RYR1: variants seen among roughly 807,000 people sequenced by gnomAD.
RYR1 encodes the protein ryanodine receptor 1, also known as central core disease of muscle.
In RYR1, 342 loss-of-function variants were observed where a neutral mutation model predicts 583.5. The observed-to-expected ratio is 0.59, with a 90% CI of 0.54 to 0.64. The LOEUF (loss-of-function observed/expected upper bound fraction) is 0.64, where lower values mean the gene tolerates loss of function less well. Ranked by LOEUF, RYR1 falls within the 30% of genes least tolerant of loss-of-function variation. The pLI, the probability that RYR1 is intolerant of heterozygous loss-of-function variation, is 0.00. For synonymous variants in RYR1, 2,791 were observed against 2,822.5 expected, an observed-to-expected ratio of 0.99 and a Z score of 0.35; for missense variants, 6,032 against 6,917.2, an observed-to-expected ratio of 0.87 and a Z score of 4.54.
chr19:38,479,602 G>A (rs1269605468), intron 31 of RYR1, among the ~76,000 whole-genome samples: 1 of 152,006 alleles, frequency 6.6e-6, no homozygotes, highest in Non-Finnish European at 1.5e-5. Context: ...TTGTAGAGAT[G>A]GGTTTTCCTC....
chr19:38,441,269 A>T (rs1205749044), intron 2 of RYR1, among the ~76,000 whole-genome samples: 1 of 11,664 alleles, frequency 8.6e-5, no homozygotes, highest in Non-Finnish European at 1.6e-4. Context: ...GGGCGTGGGG[A>T]GGGGGGGTAG....
chr19:38,544,636 T>G (rs1972347033), intron 87 of RYR1, among the ~76,000 whole-genome samples: 1 of 152,188 alleles, frequency 6.6e-6, no homozygotes, highest in African/African-American at 2.4e-5. Context: ...TCTAATTTGC[T>G]CAAAGGTGCC....
intron 1 of RYR1, among the ~76,000 whole-genome samples, chr19:38,435,739 G>A (rs1289386320): frequency 6.6e-6 from 1 of 151,888 alleles, no homozygotes; most frequent in African/African-American, 2.4e-5. Context: ...CTCCATCTCA[G>A]AACAAAAAAC....
intron 2 of RYR1, among the ~76,000 whole-genome samples, chr19:38,441,842 C>T (rs1355937376): frequency 6.6e-6 from 1 of 151,768 alleles, no homozygotes; most frequent in African/African-American, 2.4e-5. Context: ...GGTTGAGCGC[C>T]CTCCTGTGTC....
At chr19:38,539,450 G>A (rs1221514766) in intron 84 of RYR1, among the ~76,000 whole-genome samples, 1 of 151,674 alleles carries the variant, frequency 6.6e-6, no homozygotes, top group Admixed American at 6.6e-5. Flanking sequence ...TGTTGCCCAG[G>A]GGATCTCAAA....
At position 38,561,418 on chromosome 19, in the gene RYR1, C is replaced by T. The variant is rs61739895; in HGVS notation, c.12588C>T (p.Ile4196=). 1,264 of 1,612,014 alleles carry T rather than the reference C, an allele frequency of 7.8e-4. 12 individuals are homozygous for T. The African/African-American group carries it at 0.015, about 19-fold the overall frequency. The part of the protein sequence containing the change: ...SRRIERIYFE[I]SETNRAQWEM... ...GCATCGAGCGCATCTACTTCGAGAT[C>T]TCAGAGACCAACCGCGCCCAGTGGG... The change falls in exon 90 of 106, where the codon ATC becomes ATT. Residue 4196 remains isoleucine, a synonymous_variant. Coordinates refer to ENST00000359596, the MANE Select transcript of RYR1 (RefSeq NM_000540.3). The surrounding 1 kb of genome is among the most constrained non-coding windows in gnomAD (Gnocchi z 4.8).
chr19:38,437,251 A>G (rs1600619811), intron 1 of RYR1, among the ~76,000 whole-genome samples: 1 of 151,890 alleles, frequency 6.6e-6, no homozygotes, highest in African/African-American at 2.4e-5. Flanking sequence ...GGGTTTCACC[A>G]TGTTGGCCAG....
intron 49 of RYR1, among the ~76,000 whole-genome samples, chr19:38,503,984 T>C (rs1445649920): frequency 3.3e-5 from 5 of 152,222 alleles, no homozygotes; most frequent in Non-Finnish European, 7.3e-5. Flanking sequence ...CAACCAGCTC[T>C]AGTTTAATGC....
intron 39 of RYR1, among the ~76,000 whole-genome samples, chr19:38,494,983 G>T (rs1201155897): frequency 6.6e-6 from 1 of 151,540 alleles, no homozygotes; most frequent in Non-Finnish European, 1.5e-5. Context: ...CTCCCAAGTA[G>T]CTGGGATTAC....
intron 89 of RYR1, among the ~76,000 whole-genome samples, chr19:38,557,489 A>C (rs113320055): frequency 0.06 from 9,194 of 152,222 alleles, 404 homozygotes; most frequent in South Asian, 0.22. Context: ...GCAGGAGGGG[A>C]CAGCGAAGCT....
chr19:38,470,245 C>T (rs1196124568), intron 27 of RYR1, among the ~76,000 whole-genome samples: 3 of 151,554 alleles, frequency 2.0e-5, no homozygotes, highest in Non-Finnish European at 4.4e-5. Flanking sequence ...GAGCAAGACC[C>T]TATCTCAAAA....
intron 25 of RYR1, among the ~76,000 whole-genome samples, chr19:38,468,048 TCATCCATCCATC>T (rs753008033): frequency 4.4e-5 from 3 of 67,700 alleles, no homozygotes; most frequent in Non-Finnish European, 7.0e-5. Context: ...CATCCATCCA[TCATCCATCCATC>T]CATCCATCCA....
Position 38,444,225 on chromosome 19 carries a change from C to T in RYR1, c.501C>T (p.Asp167=), listed in dbSNP as rs1412858007. The change falls in exon 6 of 106, where the codon GAC becomes GAT. Residue 167 remains aspartate, a synonymous_variant. Coordinates refer to ENST00000359596, the MANE Select transcript of RYR1 (RefSeq NM_000540.3). The surrounding 1 kb of genome is among the most constrained non-coding windows in gnomAD (Gnocchi z 5.1). ...GAGAAAAGGTCCGCGTTGGGGATGA[C>T]ATCATCCTTGTCAGTGTCTCCTCCG... is the stretch of plus-strand genomic sequence containing the variant. The part of the protein sequence containing the change: ...SEGEKVRVGD[D]IILVSVSSER... The T allele has an allele frequency of 6.2e-7, 1 of 1,613,954 alleles. No individual in the cohort carries two copies. The highest frequency in any genetic ancestry group is 1.3e-5 in the African/African-American group (1 of 74,902).
intron 63 of RYR1, among the ~76,000 whole-genome samples, chr19:38,513,020 A>G (rs1489694539): frequency 6.6e-6 from 1 of 152,070 alleles, no homozygotes; most frequent in Non-Finnish European, 1.5e-5. Flanking sequence ...GTTAAAAAAG[A>G]GAGTCTATTG....
At chr19:38,575,385 G>A (rs1207039798) in intron 96 of RYR1, among the ~76,000 whole-genome samples, 3 of 152,198 alleles carry the variant, frequency 2.0e-5, no homozygotes, top group East Asian at 1.9e-4. Context: ...GGAGCCAGGC[G>A]CAGGTGGCTC....
In RYR1 at chr19:38,471,722, G is replaced by A. The variant is rs182313090; in HGVS notation, c.3766-1655G>A. The stretch of plus-strand genomic sequence containing the variant: ...TCGAGACCAGCCTGGCCAACATAGT[G>A]AAACCCCGTCTCTTCTAAAAATACA... On this transcript the variant is annotated intron_variant, in intron 27 of 105. Coordinates refer to ENST00000359596, the MANE Select transcript of RYR1 (RefSeq NM_000540.3). Among the ~76,000 whole-genome samples, 1,037 of 151,922 alleles carry A rather than the reference G, an allele frequency of 6.8e-3. 10 individuals carry two copies. Among genetic ancestry groups the A allele is most frequent in the Non-Finnish European group, 0.012 (799 of 67,956 alleles).
chr19:38,458,967 G>A (rs1967580854), intron 18 of RYR1, among the ~76,000 whole-genome samples, 179 bp from the exon 19 acceptor site: 1 of 152,178 alleles, frequency 6.6e-6, no homozygotes, highest in African/African-American at 2.4e-5. Context: ...CCTAACTTCA[G>A]GGGAACCCTG....
intron 67 of RYR1, among the ~76,000 whole-genome samples, chr19:38,521,770 G>T (rs1430893313): frequency 1.4e-5 from 2 of 140,828 alleles, no homozygotes; most frequent in Non-Finnish European, 3.0e-5. Context: ...GCAGTGGTGC[G>T]ATCTCTGCTC....
intron 57 of RYR1, 101 bp downstream of exon 57, chr19:38,507,053 G>A: frequency 6.4e-7 from 1 of 1,569,708 alleles, no homozygotes; most frequent in African/African-American, 1.4e-5. Context: ...AGAGGAACGG[G>A]GCCTGAGGAG....
Sources: allele counts gnomAD v4.1 joint callset (sites outside exome capture counted in the v4.1 genomes callset), GRCh38; gene constraint gnomAD v4.1.1; non-coding constraint Gnocchi (gnomAD v3.1); transcripts MANE v1.5; gene names NCBI Gene and HGNC (gene_info 2026-07-23, HGNC 2026-07-21).